The following DSCAM variants were observed in gnomAD, a reference collection of about 807,000 sequenced individuals.
DSCAM encodes cell adhesion molecule DSCAM.
A neutral mutation model predicts 217.7 loss-of-function variants in DSCAM; 47 were observed. The ratio of observed to expected loss-of-function variants is 0.22; its 90% CI spans 0.17 to 0.28. The LOEUF is 0.28. Among genes scored for constraint, DSCAM ranks in the 10% least tolerant of loss-of-function variants. DSCAM has a pLI of 1.00. For missense variants in DSCAM, 2,080 were observed against 2,618.3 expected (o/e 0.79, Z 4.49); for synonymous variants, 1,056 against 1,015.3 (o/e 1.04, Z -0.76).
intron 31 of DSCAM, 22 bp from the exon 32 acceptor site, chr21:40,042,695 CAA>C: frequency 6.4e-7 from 1 of 1,573,958 alleles, no homozygotes; most frequent in Middle Eastern, 1.8e-4. Flanking sequence ...AAGAGAAAAA[CAA>C]GACGGACGAC....
At chr21:40,331,458 T>C (rs1369248694) in intron 8 of DSCAM, among the ~76,000 whole-genome samples, 1 of 152,160 alleles carries the variant, frequency 6.6e-6, no homozygotes, top group Non-Finnish European at 1.5e-5. Context: ...TCAGCATTCA[T>C]TTCCCCACTT....
intron 3 of DSCAM, among the ~76,000 whole-genome samples, chr21:40,412,915 G>A (rs1289143980): frequency 2.0e-5 from 3 of 152,230 alleles, no homozygotes; most frequent in African/African-American, 7.2e-5. Flanking sequence ...GTGCAGCCTA[G>A]GGCCTTGGGG....
intron 3 of DSCAM, among the ~76,000 whole-genome samples, chr21:40,603,639 C>CA (rs1358821149): frequency 6.6e-6 from 1 of 151,988 alleles, no homozygotes; most frequent in Admixed American, 6.6e-5. Flanking sequence ...TTGTGTCTGA[C>CA]AAAAATCTTT....
intron 3 of DSCAM, among the ~76,000 whole-genome samples, chr21:40,465,751 G>A (rs2075839574): frequency 6.6e-6 from 1 of 152,010 alleles, no homozygotes; most frequent in South Asian, 2.1e-4. Context: ...CAAAAGACTG[G>A]ACACCCCTGT....
intron 20 of DSCAM, among the ~76,000 whole-genome samples, chr21:40,115,206 C>T (rs1182352575): frequency 6.6e-6 from 1 of 152,142 alleles, no homozygotes; most frequent in Non-Finnish European, 1.5e-5. Flanking sequence ...AAATGTGGCA[C>T]ATATACACCA....
intron 5 of DSCAM, among the ~76,000 whole-genome samples, chr21:40,351,663 C>G (rs908868787): frequency 6.6e-6 from 1 of 152,118 alleles, no homozygotes; most frequent in Non-Finnish European, 1.5e-5. Context: ...TTAGAAGAAG[C>G]AGTCAGAAGG....
intron 3 of DSCAM, among the ~76,000 whole-genome samples, chr21:40,422,690 T>C (rs1256650903): frequency 6.6e-6 from 1 of 152,188 alleles, no homozygotes; most frequent in Non-Finnish European, 1.5e-5. Flanking sequence ...TTTTAAAAAA[T>C]GTATATGTTG....
chr21:40,190,661 G>A (rs1350725710), intron 11 of DSCAM, among the ~76,000 whole-genome samples: 2 of 152,190 alleles, frequency 1.3e-5, no homozygotes, highest in African/African-American at 4.8e-5. Flanking sequence ...ACATGAAGGT[G>A]ACCGTAATTT....
rs573053658 is a variant in DSCAM, at chr21:40,821,390, C to T, written c.43+25229G>A. On this transcript the variant is annotated intron_variant, in intron 1 of 32. Transcript: ENST00000400454. The stretch of plus-strand genomic sequence containing the variant: ...ATGCATGCACACACACAGACACACG[C>T]GCGCACACACACACACACACACACA... Among the ~76,000 whole-genome samples, 11 of 149,172 alleles carry T rather than the reference C, an allele frequency of 7.4e-5. No individual in the cohort carries two copies. In the East Asian group the frequency reaches 8.1e-4, roughly 11 times the overall value.
chr21:40,697,237 GA>G, intron 2 of DSCAM, among the ~76,000 whole-genome samples: 1 of 152,254 alleles, frequency 6.6e-6, no homozygotes, highest in East Asian at 1.9e-4. Context: ...ATTCTTGTTG[GA>G]TGGAGAGTTT....
At chr21:40,176,976 A>T (rs1029396302) in intron 15 of DSCAM, among the ~76,000 whole-genome samples, 1 of 152,258 alleles carries the variant, frequency 6.6e-6, no homozygotes, top group East Asian at 1.9e-4. Context: ...TCAGAAAAGC[A>T]GGTGCAAAAT....
chr21:40,305,601 T>G (rs1396659148), intron 9 of DSCAM, among the ~76,000 whole-genome samples: 47 of 152,114 alleles, frequency 3.1e-4, no homozygotes, highest in Admixed American at 3.1e-3. Flanking sequence ...TTAATCCATC[T>G]TGAATTAATT....
At position 40,057,947 on chromosome 21, in the gene DSCAM, C is replaced by T. The variant is rs185926904; in HGVS notation, c.4920-2107G>A. On this transcript the variant is annotated intron_variant, in intron 28 of 32. Transcript: ENST00000400454. ...CTGGAGTGCAGTGGCGCGATCTCAG[C>T]TCACTGCAAGCTCCGCCTCCCAGGT... 4.2e-4 allele frequency among the ~76,000 whole-genome samples: 61 copies of T among 146,276 alleles called. No homozygotes were observed. The East Asian group carries it at 0.011, about 26-fold the overall frequency.
chr21:40,225,820 G>A (rs899543451), intron 11 of DSCAM, among the ~76,000 whole-genome samples: 41 of 152,156 alleles, frequency 2.7e-4, no homozygotes, highest in Non-Finnish European at 1.0e-4. Flanking sequence ...GAAAGTAGAG[G>A]GCAGAGAAAG....
rs1185218818 is a variant in DSCAM, at chr21:40,319,492, T to C, written c.1784-7133A>G. ...TTCTCTTTATCCATTCATCTACCAATGGACACTTAAGTTGTTTCCATGTCT... is the reference window on the plus strand; with the variant it reads ...TTCTCTTTATCCATTCATCTACCAACGGACACTTAAGTTGTTTCCATGTCT... On this transcript the variant is annotated intron_variant, in intron 8 of 32. Coordinates refer to ENST00000400454, the MANE Select transcript of DSCAM (RefSeq NM_001389.5). 2.0e-5 allele frequency among the ~76,000 whole-genome samples: 3 copies of C among 152,188 alleles called. No individual in the cohort carries two copies. In the South Asian group the frequency reaches 6.2e-4, roughly 32 times the overall value.
chr21:40,685,942 CAA>C (rs2090467929), intron 3 of DSCAM, among the ~76,000 whole-genome samples: 1 of 77,302 alleles, frequency 1.3e-5, no homozygotes, highest in Non-Finnish European at 3.0e-5. Context: ...CAAACAAAAA[CAA>C]AAACAAAAAC....
At chr21:40,141,620 AAAAAG>A (rs2090291549) in intron 18 of DSCAM, among the ~76,000 whole-genome samples, 1 of 152,130 alleles carries the variant, frequency 6.6e-6, no homozygotes, top group Admixed American at 6.5e-5. Flanking sequence ...CCTGTCTCAA[AAAAAG>A]AAAAGAAACC....
At chr21:40,077,280 G>T (rs1676449986) in intron 26 of DSCAM, among the ~76,000 whole-genome samples, 1 of 152,190 alleles carries the variant, frequency 6.6e-6, no homozygotes, top group Non-Finnish European at 1.5e-5. Context: ...GAAGTGCCAG[G>T]AAGACCCTGG....
chr21:40,515,219 T>C (rs1056922981), intron 3 of DSCAM, among the ~76,000 whole-genome samples: 3 of 152,190 alleles, frequency 2.0e-5, no homozygotes, highest in African/African-American at 7.2e-5. Context: ...CTGCTCCTTT[T>C]CCTTGAAAAA....
Sources: allele counts gnomAD v4.1 joint callset (sites outside exome capture counted in the v4.1 genomes callset), GRCh38; gene constraint gnomAD v4.1.1; transcripts MANE v1.5; gene names NCBI Gene and HGNC (gene_info 2026-07-23, HGNC 2026-07-21).